The following ZFHX4 variants were observed in gnomAD, a reference collection of about 807,000 sequenced individuals.
ZFHX4 encodes the protein zinc finger homeobox protein 4.
ZFHX4 carries 56 observed loss-of-function variants against 267.6 expected under a neutral mutation model. The observed-to-expected ratio is 0.21, with a 90% confidence interval of 0.17 to 0.26. The LOEUF (loss-of-function observed/expected upper bound fraction) is 0.26. Ranked by LOEUF, ZFHX4 falls within the 10% of genes least tolerant of loss-of-function variation. The pLI is 1.00. For missense variants in ZFHX4, 4,332 were observed against 4,420.0 expected (o/e 0.98, Z 0.56); for synonymous variants, 1,778 against 1,665.6 (o/e 1.07, Z -1.64).
chr8:76,793,888 G>A lies in ZFHX4; in HGVS notation c.3325+15449G>A, dbSNP rs572659734. ...AAATATAGGTGATTCTTACGAGTAC[G>A]TAAGACTGGTTTGAGTAGGAAAGCT... On this transcript the variant is annotated intron_variant, in intron 4 of 10. Transcript: ENST00000651372. 7.2e-5 allele frequency among the ~76,000 whole-genome samples: 11 copies of A among 152,118 alleles called. No individual in the cohort carries two copies. In the South Asian group the frequency reaches 1.5e-3, roughly 20 times the overall value.
chr8:76,701,164 A>T (rs897239382), intron 1 of ZFHX4, among the ~76,000 whole-genome samples: 1 of 152,172 alleles, frequency 6.6e-6, no homozygotes, highest in Non-Finnish European at 1.5e-5. Context: ...CCATCAGAAT[A>T]TACTGAAAAA....
At position 76,854,769 on chromosome 8, in the gene ZFHX4, G is replaced by A. The variant is rs745784498; in HGVS notation, c.7848G>A (p.Gln2616=). The A allele has an allele frequency of 1.2e-6, 2 of 1,610,974 alleles. No homozygotes were observed. The highest frequency in any genetic ancestry group is 4.5e-5 in the East Asian group (2 of 44,784). ...TGAGAACCACGATCACCCCGGAACA[G>A]CTGGAAATACTCTATGAAAAATACT... is the stretch of plus-strand genomic sequence containing the variant. ...KRLRTTITPE[Q]LEILYEKYLL... is the part of the protein sequence containing the mutation. The change falls in exon 10 of 11, where the codon CAG becomes CAA. Residue 2616 remains glutamine, a synonymous_variant. Transcript: ENST00000651372.
chr8:76,729,358 A>G (rs1415163142), intron 3 of ZFHX4, among the ~76,000 whole-genome samples: 1 of 152,162 alleles, frequency 6.6e-6, no homozygotes, highest in Non-Finnish European at 1.5e-5. Context: ...TCCTGCTCGA[A>G]TAATATTTTG....
chr8:76,728,150 G>C (rs1359222898), intron 3 of ZFHX4, among the ~76,000 whole-genome samples: 1 of 152,072 alleles, frequency 6.6e-6, no homozygotes, highest in Admixed American at 6.6e-5. Context: ...GTGAAATTTT[G>C]CATCTTAAAT....
At chr8:76,838,514 T>C (rs1276036696) in intron 5 of ZFHX4, among the ~76,000 whole-genome samples, 6 of 152,118 alleles carry the variant, frequency 3.9e-5, no homozygotes, top group Non-Finnish European at 7.4e-5. Flanking sequence ...CAGATTTAAG[T>C]AGATCATTAG....
At chr8:76,792,005 A>AT (rs1021268993) in intron 4 of ZFHX4, among the ~76,000 whole-genome samples, 2 of 152,132 alleles carry the variant, frequency 1.3e-5, no homozygotes, top group Non-Finnish European at 2.9e-5. Context: ...TTTGAATTGT[A>AT]TTTTTTTCAA....
In ZFHX4 at chr8:76,865,590, C is replaced by A. The variant is rs1813005556; in HGVS notation, c.*1025C>A. ...CCTAACAACCCAAAGACCTATTTAA[C>A]AATTGGTGCATAAATGAAAGTAGTA... is the stretch of plus-strand genomic sequence containing the variant. On this transcript the variant is annotated 3_prime_UTR_variant, in exon 11 of 11. Coordinates refer to ENST00000651372, the MANE Select transcript of ZFHX4 (RefSeq NM_024721.5). 6.6e-6 allele frequency: 1 copy of A among 152,374 alleles called. No individual in the cohort carries two copies. Among genetic ancestry groups the A allele is most frequent in the Admixed American group, 6.6e-5 (1 of 15,232 alleles). The allele number at this position is 152,374 out of a possible 1,614,324, so 9.4% of individuals were successfully genotyped here. A position where few individuals can be genotyped will look rare whatever the true frequency, so the allele number is the denominator to read the frequency against.
At chr8:76,769,928 A>G (rs1347432180) in intron 3 of ZFHX4, among the ~76,000 whole-genome samples, 1 of 152,112 alleles carries the variant, frequency 6.6e-6, no homozygotes, top group Non-Finnish European at 1.5e-5. Context: ...TGGAATGAAA[A>G]CTAGGGTCAG....
chr8:76,702,071 T>C (rs1808119819), intron 1 of ZFHX4, among the ~76,000 whole-genome samples: 1 of 152,194 alleles, frequency 6.6e-6, no homozygotes, highest in Non-Finnish European at 1.5e-5. Flanking sequence ...TAAACATTAA[T>C]GTTTATGGAC....
chr8:76,716,083 A>G (rs1426138642), intron 3 of ZFHX4, among the ~76,000 whole-genome samples: 1 of 152,216 alleles, frequency 6.6e-6, no homozygotes, highest in Non-Finnish European at 1.5e-5. Context: ...TCCAACTGTA[A>G]CAGTTAACTC....
chr8:76,734,395 G>C (rs1809104054), intron 3 of ZFHX4, among the ~76,000 whole-genome samples: 1 of 151,996 alleles, frequency 6.6e-6, no homozygotes, highest in Non-Finnish European at 1.5e-5. Flanking sequence ...TCCCACACAG[G>C]CATTCTTTAT....
At chr8:76,833,090 A>G (rs1253345745) in intron 4 of ZFHX4, among the ~76,000 whole-genome samples, 2 of 152,106 alleles carry the variant, frequency 1.3e-5, no homozygotes, top group African/African-American at 4.8e-5. Flanking sequence ...TCCTGCTCCC[A>G]TATTTTCTCT....
rs776908219 is a variant in ZFHX4, at chr8:76,704,790, C to T, written c.702C>T (p.His234=). ...GTTTCCGTGTCTATGATCTCCGACA[C>T]AAGAGAGAGAAAGACTATCTAACCA... The part of the protein sequence containing the change: ...LHSFRVYDLR[H]KREKDYLTSD... The change falls in exon 2 of 11, where the codon CAC becomes CAT. Residue 234 remains histidine, a synonymous_variant. Coordinates refer to ENST00000651372, the MANE Select transcript of ZFHX4 (RefSeq NM_024721.5). 4 of 1,613,866 alleles carry T rather than the reference C, an allele frequency of 2.5e-6. No homozygotes were observed. The highest frequency in any genetic ancestry group is 3.4e-6 in the Non-Finnish European group (4 of 1,179,928).
At chr8:76,821,969 C>T (rs1811660297) in intron 4 of ZFHX4, among the ~76,000 whole-genome samples, 1 of 151,958 alleles carries the variant, frequency 6.6e-6, no homozygotes, top group East Asian at 1.9e-4. Flanking sequence ...CCTCCACTTG[C>T]TCTCTGTTTC....
chr8:76,789,387 T>G (rs1049417043), intron 4 of ZFHX4, among the ~76,000 whole-genome samples: 1 of 152,196 alleles, frequency 6.6e-6, no homozygotes, highest in Non-Finnish European at 1.5e-5. Context: ...TATATCTGTG[T>G]TGTGCAAAAA....
intron 1 of ZFHX4, among the ~76,000 whole-genome samples, chr8:76,686,140 G>T (rs1298998894): frequency 6.6e-6 from 1 of 152,120 alleles, no homozygotes; most frequent in South Asian, 2.1e-4. Context: ...ACAGCTGCAC[G>T]AATTTCATAT....
At chr8:76,686,073 T>C (rs1022062016) in intron 1 of ZFHX4, among the ~76,000 whole-genome samples, 3 of 152,200 alleles carry the variant, frequency 2.0e-5, no homozygotes, top group Non-Finnish European at 2.9e-5. Flanking sequence ...TGGGAAGGCC[T>C]ACTGTCTATC....
intron 4 of ZFHX4, among the ~76,000 whole-genome samples, chr8:76,778,794 T>C (rs890302520): frequency 5.3e-5 from 8 of 152,190 alleles, no homozygotes; most frequent in Non-Finnish European, 1.2e-4. Flanking sequence ...AAAGTTTCTT[T>C]GCTGCCAGCA....
At position 76,709,434 on chromosome 8, in the gene ZFHX4, C is replaced by G. The variant is rs114921534; in HGVS notation, c.3093+1386C>G. ...ATAAAGGATTAATTGTATTATAATTCATAGGTTTTGCAGCAACAGTTGACA... is the reference window on the plus strand; with the variant it reads ...ATAAAGGATTAATTGTATTATAATTGATAGGTTTTGCAGCAACAGTTGACA... On this transcript the variant is annotated intron_variant, in intron 3 of 10. Transcript: ENST00000651372. Among the ~76,000 whole-genome samples the G allele has an allele frequency of 9.0e-3, 1,365 of 152,200 alleles. 19 individuals are homozygous for G. The highest frequency in any genetic ancestry group is 0.031 in the African/African-American group (1,281 of 41,518).
Sources: allele counts gnomAD v4.1 joint callset (sites outside exome capture counted in the v4.1 genomes callset), GRCh38; gene constraint gnomAD v4.1.1; transcripts MANE v1.5; gene names NCBI Gene and HGNC (gene_info 2026-07-23, HGNC 2026-07-21).